The following ZNF578 variants were observed in gnomAD, a reference collection of about 807,000 sequenced individuals.
ZNF578 encodes the protein Putative chemokine-related protein B42.
A neutral mutation model predicts 8.3 loss-of-function variants in ZNF578; 8 were observed. That is an observed-to-expected ratio of 0.96 (90% CI 0.56 to 1.74). The LOEUF (loss-of-function observed/expected upper bound fraction) is 1.74. Among genes scored for constraint, ZNF578 ranks in the 40% most tolerant of loss-of-function variants. The pLI, the probability that ZNF578 is intolerant of heterozygous loss-of-function variation, is 0.00. For missense variants in ZNF578, 726 were observed against 707.5 expected (o/e 1.03, Z -0.30); for synonymous variants, 206 against 232.2 (o/e 0.89, Z 1.03).
intron 2 of ZNF578, among the ~76,000 whole-genome samples, chr19:52,468,386 A>G (rs1356004998): frequency 1.3e-5 from 2 of 152,244 alleles, no homozygotes; most frequent in Non-Finnish European, 2.9e-5. Context: ...AGCATTTTCA[A>G]CAGTCATATT....
chr19:52,468,405 G>A lies in ZNF578; in HGVS notation c.-122+11447G>A, dbSNP rs150663088. On this transcript the variant is annotated intron_variant, in intron 2 of 5. Transcript: ENST00000421239. ...TTTTCAACAGTCATATTGTGCAATG[G>A]GACCTATGTGTCCAGCCACAAGAGG... is the stretch of plus-strand genomic sequence containing the variant. Among the ~76,000 whole-genome samples, 7 of 152,242 alleles carry A rather than the reference G, an allele frequency of 4.6e-5. No homozygotes were observed. The East Asian group carries it at 1.3e-3, about 29-fold the overall frequency.
intron 2 of ZNF578, chr19:52,473,912 T>G (rs2059299943): frequency 6.4e-6 from 2 of 312,766 alleles, no homozygotes; most frequent in Non-Finnish European, 1.3e-5. Flanking sequence ...AGGTTTCTCT[T>G]CCATATGAAT....
At chr19:52,507,403 A>G (rs1371210687) in intron 5 of ZNF578, among the ~76,000 whole-genome samples, 3 of 152,082 alleles carry the variant, frequency 2.0e-5, no homozygotes, top group African/African-American at 4.8e-5. Context: ...AAACAAAACA[A>G]AAAAATTAGC....
At position 52,516,157 on chromosome 19, in the gene ZNF578, TCTC is replaced by T. The variant is rs1220694971; in HGVS notation, c.*4009_*4011del. 2.6e-5 allele frequency among the ~76,000 whole-genome samples: 4 copies of T among 152,280 alleles called. No homozygotes were observed. The highest frequency in any genetic ancestry group is 1.9e-4 in the East Asian group (1 of 5,182). On this transcript the variant is annotated 3_prime_UTR_variant, in exon 6 of 6. Coordinates refer to ENST00000421239, the MANE Select transcript of ZNF578 (RefSeq NM_001099694.2). ...TCTTACCCTATGTACCCTGTCCCTT[TCTC>T]CTCCTTCAGGTCTAGGCTCAGAGCT... is the stretch of plus-strand genomic sequence containing the variant.
At chr19:52,488,821 A>T (rs1421664915) in intron 2 of ZNF578, among the ~76,000 whole-genome samples, 2 of 151,794 alleles carry the variant, frequency 1.3e-5, no homozygotes, top group African/African-American at 4.8e-5. Flanking sequence ...GGAATATCAA[A>T]GCTGGGCATG....
intron 2 of ZNF578, among the ~76,000 whole-genome samples, chr19:52,486,855 G>A (rs2059347557): frequency 2.0e-5 from 3 of 151,998 alleles, no homozygotes; most frequent in South Asian, 4.1e-4. Flanking sequence ...TAAATAAGTT[G>A]TGAGGATGGA....
At chr19:52,510,129 A>G (rs191771847) in intron 5 of ZNF578, among the ~76,000 whole-genome samples, 64 of 151,168 alleles carry the variant, frequency 4.2e-4, no homozygotes, top group Admixed American at 1.6e-3. Context: ...TTATCCTTAC[A>G]TGAGCTTGTT....
chr19:52,511,153 CAA>C lies in ZNF578; in HGVS notation c.773_774del (p.Gln258LeufsTer2), dbSNP rs1428297214. 1 of 1,614,036 alleles carries C rather than the reference CAA, an allele frequency of 6.2e-7. No homozygotes were observed. Among genetic ancestry groups the C allele is most frequent in the Non-Finnish European group, 8.5e-7 (1 of 1,179,992 alleles). Reference sequence around the variant, plus strand: ...TCAGATAATCCATTTAGGAGAAAAACAATATAAATTTGATATATGTGGCAAAG... The same window carrying C: ...TCAGATAATCCATTTAGGAGAAAAACTATAAATTTGATATATGTGGCAAAG... Reference protein sequence around the residue: ...KHQIIHLGEKQYKFDICGKVF... With the variant: ...KHQIIHLGEKXYKFDICGKVF... On this transcript the variant is annotated frameshift_variant, in exon 6 of 6. Coordinates refer to ENST00000421239, the MANE Select transcript of ZNF578 (RefSeq NM_001099694.2). LOFTEE classifies it low-confidence loss of function (END_TRUNC).
intron 2 of ZNF578, among the ~76,000 whole-genome samples, chr19:52,488,411 A>G (rs2059353102): frequency 6.6e-6 from 1 of 151,920 alleles, no homozygotes; most frequent in Non-Finnish European, 1.5e-5. Context: ...CAAAATTTCC[A>G]TCCTGGCTAA....
At chr19:52,471,649 A>G (rs994041019) in intron 2 of ZNF578, among the ~76,000 whole-genome samples, 2 of 152,150 alleles carry the variant, frequency 1.3e-5, no homozygotes, top group South Asian at 2.1e-4. Flanking sequence ...CTGAAGCTGC[A>G]TTTGAACCAG....
intron 3 of ZNF578, among the ~76,000 whole-genome samples, chr19:52,493,166 G>A (rs1444211897): frequency 1.3e-5 from 2 of 152,106 alleles, no homozygotes; most frequent in African/African-American, 2.4e-5. Context: ...CCTCACCCGC[G>A]AGGTGGATTC....
chr19:52,505,882 T>C (rs2059423920), intron 5 of ZNF578, among the ~76,000 whole-genome samples: 1 of 152,044 alleles, frequency 6.6e-6, no homozygotes. Context: ...ACAGTGGCTT[T>C]CAACTTGTTA....
intron 4 of ZNF578, among the ~76,000 whole-genome samples, chr19:52,504,061 G>A (rs1310395284): frequency 6.6e-6 from 1 of 151,460 alleles, no homozygotes; most frequent in Non-Finnish European, 1.5e-5. Context: ...CTCCCAAAAT[G>A]TTGGGATTAC....
At chr19:52,484,641 C>T (rs2059338535) in intron 2 of ZNF578, among the ~76,000 whole-genome samples, 1 of 151,932 alleles carries the variant, frequency 6.6e-6, no homozygotes, top group African/African-American at 2.4e-5. Context: ...GATGACATTC[C>T]ACCACAAAAG....
At chr19:52,491,951 G>C (rs1313653494) in intron 3 of ZNF578, among the ~76,000 whole-genome samples, 1 of 151,798 alleles carries the variant, frequency 6.6e-6, no homozygotes, top group African/African-American at 2.4e-5. Context: ...ACGAAGTCAG[G>C]AGATCGAGAC....
intron 4 of ZNF578, among the ~76,000 whole-genome samples, chr19:52,502,563 C>T (rs2059411478): frequency 6.7e-6 from 1 of 149,052 alleles, no homozygotes; most frequent in African/African-American, 2.4e-5. Flanking sequence ...ATGGTGAAAC[C>T]CCATCTCTAC....
In ZNF578 at chr19:52,515,623, G is replaced by A. The variant is rs2059471333; in HGVS notation, c.*3469G>A. Among the ~76,000 whole-genome samples, 1 of 152,032 alleles carries A rather than the reference G, an allele frequency of 6.6e-6. No individual in the cohort carries two copies. The highest frequency in any genetic ancestry group is 6.5e-5 in the Admixed American group (1 of 15,270). On this transcript the variant is annotated 3_prime_UTR_variant, in exon 6 of 6. Coordinates refer to ENST00000421239, the MANE Select transcript of ZNF578 (RefSeq NM_001099694.2). ...AAAATGTCTTCCGATCTGAGCCCCA[G>A]TGAGCCTCCCTGCAACTTGGCGACG... is the stretch of plus-strand genomic sequence containing the variant.
At position 52,470,083 on chromosome 19, in the gene ZNF578, G is replaced by T. The variant is rs116139959; in HGVS notation, c.-122+13125G>T. Among the ~76,000 whole-genome samples, 1,248 of 152,206 alleles carry T rather than the reference G, an allele frequency of 8.2e-3. 22 individuals are homozygous for T. The highest frequency in any genetic ancestry group is 0.029 in the African/African-American group (1,192 of 41,538). On this transcript the variant is annotated intron_variant, in intron 2 of 5. Coordinates refer to ENST00000421239, the MANE Select transcript of ZNF578 (RefSeq NM_001099694.2). ...ACCCTGATGAGCCCTTTTTGCGAGA[G>T]AAAATGGCCTCCCTACCCCTCATGG...
In ZNF578 at chr19:52,510,691, C is replaced by T; in HGVS notation, c.310C>T (p.Gln104Ter). ...ESYHTGDFCF[Q>*]EIEKDIHDFE... ...TTATCACACTGGAGATTTTTGCTTC[C>T]AGGAAATTGAAAAAGATATTCATGA... The change falls in exon 6 of 6, where the codon CAG (glutamine) becomes TAG (stop). Residue 104 changes from glutamine (Q) to a stop codon, truncating the protein, a stop_gained. Transcript: ENST00000421239. LOFTEE classifies it low-confidence loss of function (END_TRUNC). The T allele has an allele frequency of 6.2e-7, 1 of 1,612,594 alleles. No individual in the cohort carries two copies. Among genetic ancestry groups the T allele is most frequent in the Non-Finnish European group, 8.5e-7 (1 of 1,179,576 alleles).
Sources: gnomAD v4.1 joint callset for allele counts (sites outside exome capture counted in the v4.1 genomes callset) on GRCh38, gnomAD v4.1.1 for gene constraint, MANE v1.5 for transcripts, NCBI Gene and HGNC (gene_info 2026-07-23, HGNC 2026-07-21) for gene names.